The following ZRANB3 variants were observed in gnomAD, a reference collection of about 807,000 sequenced individuals.
ZRANB3 encodes zinc finger RANBP2-type containing 3.
Under a neutral mutation model 133.8 loss-of-function variants are expected in ZRANB3, and 125 were observed. The observed-to-expected ratio is 0.93, with a 90% CI of 0.81 to 1.08. The LOEUF (loss-of-function observed/expected upper bound fraction) is 1.08, where lower values mean the gene tolerates loss of function less well. Ranked by LOEUF, ZRANB3 falls within the 50% of genes least tolerant of loss-of-function variation. The probability of loss-of-function intolerance (pLI) is 0.00; values close to 1 mark genes in which losing one functional copy is unlikely to be tolerated. For missense variants in ZRANB3, 1,229 were observed against 1,275.5 expected, an observed-to-expected ratio of 0.96 and a Z score of 0.56; for synonymous variants, 387 against 432.7, an observed-to-expected ratio of 0.89 and a Z score of 1.31.
chr2:135,226,083 T>C (rs1004227695), intron 14 of ZRANB3, among the ~76,000 whole-genome samples: 14 of 152,240 alleles, frequency 9.2e-5, no homozygotes, highest in African/African-American at 3.4e-4. Flanking sequence ...GCAGTTTTCT[T>C]TGAAGAACTA....
At chr2:135,431,174 C>T (rs1202595253) in intron 2 of ZRANB3, among the ~76,000 whole-genome samples, 3 of 151,114 alleles carry the variant, frequency 2.0e-5, no homozygotes, top group Non-Finnish European at 2.9e-5. Context: ...TACCTATAAT[C>T]CCAGCTACTC....
At position 135,271,802 on chromosome 2, in the gene ZRANB3, C is replaced by T. The variant is rs761870751; in HGVS notation, c.1172G>A (p.Arg391His). Residue 391 changes from arginine (R) to histidine (H), a missense_variant, in exon 10 of 21, where the codon CGC becomes CAC. By Grantham distance (29) the Arg-to-His change is conservative. Coordinates refer to ENST00000264159, the MANE Select transcript of ZRANB3 (RefSeq NM_032143.4). ...VNQFQKDPDTRVAILSIQAAG... is the reference protein window; with the variant it reads ...VNQFQKDPDTHVAILSIQAAG... ...AGCCTGAATGCTTAGGATAGCCACG[C>T]GAGTGTCAGGATCCTTTTGAAACTG... 8.1e-6 allele frequency: 13 copies of T among 1,613,670 alleles called. No homozygotes were observed. The highest frequency in any genetic ancestry group is 6.6e-5 in the South Asian group (6 of 90,994).
Position 135,507,659 on chromosome 2 carries a change from CT to C in ZRANB3, c.-7-3164del, listed in dbSNP as rs75194097. The stretch of plus-strand genomic sequence containing the variant: ...TGTCTATCATCTTTATTCAAGACTC[CT>C]TTTTTTTTTTTTCTTTGCTGGGTGC... On this transcript the variant is annotated intron_variant, in intron 1 of 20. Coordinates refer to ENST00000264159, the MANE Select transcript of ZRANB3 (RefSeq NM_032143.4). Among the ~76,000 whole-genome samples the C allele has an allele frequency of 3.2e-3, 463 of 145,030 alleles. 3 individuals carry two copies. The highest frequency in any genetic ancestry group is 7.8e-3 in the East Asian group (39 of 5,032).
At chr2:135,452,762 GTGGCTTT>G (rs1690330588) in intron 2 of ZRANB3, among the ~76,000 whole-genome samples, 2 of 152,250 alleles carry the variant, frequency 1.3e-5, no homozygotes, top group Non-Finnish European at 2.9e-5. Flanking sequence ...CTCTGCCCCT[GTGGCTTT>G]GCAGGGTAGA....
intron 6 of ZRANB3, among the ~76,000 whole-genome samples, chr2:135,325,074 CAAAGTT>C (rs1254072581): frequency 6.6e-6 from 1 of 152,064 alleles, no homozygotes; most frequent in Non-Finnish European, 1.5e-5. Flanking sequence ...GCTAAACTCC[CAAAGTT>C]AATCTACAGA....
intron 3 of ZRANB3, among the ~76,000 whole-genome samples, chr2:135,385,264 C>T (rs1686912607): frequency 6.6e-6 from 1 of 150,592 alleles, no homozygotes; most frequent in Admixed American, 6.6e-5. Flanking sequence ...GAATAAAATA[C>T]CTAGGAATCC....
chr2:135,472,660 A>G (rs538173628), intron 2 of ZRANB3, among the ~76,000 whole-genome samples: 1 of 152,322 alleles, frequency 6.6e-6, no homozygotes, highest in South Asian at 2.1e-4. Context: ...CATCATAACA[A>G]GAATCTGCAA....
intron 5 of ZRANB3, 23 bp downstream of exon 5, chr2:135,349,961 T>G: frequency 6.2e-7 from 1 of 1,604,688 alleles, no homozygotes; most frequent in Non-Finnish European, 8.5e-7. Context: ...TCTTTTAAGT[T>G]CGAAGTATAA....
intron 2 of ZRANB3, among the ~76,000 whole-genome samples, chr2:135,444,111 CAAAAA>C: frequency 7.0e-6 from 1 of 142,696 alleles, no homozygotes; most frequent in South Asian, 2.2e-4. Context: ...ATCAAAAAGA[CAAAAA>C]AAAAAGCGCT....
chr2:135,206,282 C>G (rs1222763244), intron 19 of ZRANB3, among the ~76,000 whole-genome samples: 2 of 151,552 alleles, frequency 1.3e-5, no homozygotes, highest in African/African-American at 4.9e-5. Context: ...CTCTGTTGCC[C>G]AAGCTGGAGT....
intron 12 of ZRANB3, among the ~76,000 whole-genome samples, chr2:135,232,729 G>C (rs1342002573): frequency 6.6e-6 from 1 of 152,194 alleles, no homozygotes. Context: ...CTGCAGCTGA[G>C]GGTCCTGACT....
intron 2 of ZRANB3, among the ~76,000 whole-genome samples, chr2:135,456,207 A>G (rs1690512312): frequency 1.3e-5 from 2 of 152,208 alleles, no homozygotes; most frequent in Admixed American, 1.3e-4. Context: ...TCCTAATCAC[A>G]TAGTAGTAGG....
chr2:135,405,272 A>G (rs1344049025), intron 2 of ZRANB3, among the ~76,000 whole-genome samples: 2 of 152,248 alleles, frequency 1.3e-5, no homozygotes, highest in Admixed American at 6.5e-5. Context: ...AGAGCTAACT[A>G]TCCTAAATAT....
At chr2:135,435,119 T>C (rs1689477549) in intron 2 of ZRANB3, among the ~76,000 whole-genome samples, 1 of 152,106 alleles carries the variant, frequency 6.6e-6, no homozygotes, top group African/African-American at 2.4e-5. Context: ...AATAGTCATC[T>C]TTTCTGCTCC....
At chr2:135,445,231 G>A (rs1271532098) in intron 2 of ZRANB3, among the ~76,000 whole-genome samples, 1 of 151,954 alleles carries the variant, frequency 6.6e-6, no homozygotes, top group Non-Finnish European at 1.5e-5. Context: ...ATCACTTGAG[G>A]TGAGGAGTTA....
At chr2:135,221,098 C>A (rs945165294) in intron 15 of ZRANB3, among the ~76,000 whole-genome samples, 1 of 151,992 alleles carries the variant, frequency 6.6e-6, no homozygotes, top group Non-Finnish European at 1.5e-5. Flanking sequence ...CTCAGGTGAT[C>A]CGCCTGCCTC....
chr2:135,291,856 T>C (rs1353499314), intron 8 of ZRANB3, among the ~76,000 whole-genome samples: 2 of 152,188 alleles, frequency 1.3e-5, no homozygotes, highest in Non-Finnish European at 1.5e-5. Flanking sequence ...TTTGGTTTTT[T>C]CTCCTTGCGA....
At chr2:135,451,588 C>A (rs977674904) in intron 2 of ZRANB3, among the ~76,000 whole-genome samples, 8 of 148,232 alleles carry the variant, frequency 5.4e-5, no homozygotes, top group Non-Finnish European at 1.2e-4. Flanking sequence ...AAAAAAAAAA[C>A]AAACCACTAA....
intron 13 of ZRANB3, among the ~76,000 whole-genome samples, chr2:135,229,568 C>T (rs1264711815): frequency 6.6e-6 from 1 of 151,754 alleles, no homozygotes; most frequent in Non-Finnish European, 1.5e-5. Flanking sequence ...GGGGTTTCAC[C>T]GTGTTAGCCA....
Sources: allele counts gnomAD v4.1 joint callset (sites outside exome capture counted in the v4.1 genomes callset), GRCh38; gene constraint gnomAD v4.1.1; transcripts MANE v1.5; gene names NCBI Gene and HGNC (gene_info 2026-07-23, HGNC 2026-07-21).